Variants in BMPR1B observed in about 807,000 individuals in gnomAD.
The protein encoded by BMPR1B is bone morphogenetic protein receptor type 1B, also known as bone morphogenetic protein receptor type-1B.
A neutral mutation model predicts 59.1 loss-of-function variants in BMPR1B; 12 were observed. That is an observed-to-expected ratio of 0.20 (90% CI 0.13 to 0.33). BMPR1B has a LOEUF of 0.33. Ranked by LOEUF, BMPR1B falls within the 10% of genes least tolerant of loss-of-function variation. The probability of loss-of-function intolerance (pLI) is 1.00; values close to 1 mark genes in which losing one functional copy is unlikely to be tolerated. For synonymous variants in BMPR1B, 237 were observed against 207.3 expected, an observed-to-expected ratio of 1.14 and a Z score of -1.23; for missense variants, 550 against 610.9, an observed-to-expected ratio of 0.90 and a Z score of 1.05.
Position 94,975,363 on chromosome 4 carries a change from GTT to G in BMPR1B, c.-112-20660_-112-20659del, listed in dbSNP as rs763655134. On this transcript the variant is annotated intron_variant, in intron 2 of 12. Transcript: ENST00000515059. The stretch of plus-strand genomic sequence containing the variant: ...AAAATCTTAATTTCCTTTTGTTTTT[GTT>G]TTTTTTTTTTTTTTTTGAGACGGGG... Among the ~76,000 whole-genome samples, 233 of 111,632 alleles carry G rather than the reference GTT, an allele frequency of 2.1e-3. 2 individuals carry two copies. Among genetic ancestry groups the G allele is most frequent in the African/African-American group, 7.5e-3 (229 of 30,736 alleles). 73.2% of individuals were successfully genotyped at this position (111,632 alleles called of 152,430 possible).
chr4:94,986,459 A>C (rs1224518470), intron 2 of BMPR1B, among the ~76,000 whole-genome samples: 1 of 152,222 alleles, frequency 6.6e-6, no homozygotes, highest in Admixed American at 6.5e-5. Context: ...CTTAAAGTCT[A>C]ATTTAATCAG....
At chr4:95,002,405 T>C (rs1286858185) in intron 3 of BMPR1B, among the ~76,000 whole-genome samples, 2 of 152,156 alleles carry the variant, frequency 1.3e-5, no homozygotes, top group African/African-American at 2.4e-5. Flanking sequence ...GTCGACCCCA[T>C]GTCTTTGCTA....
intron 3 of BMPR1B, chr4:95,091,541 G>T (rs927474304): frequency 3.0e-6 from 3 of 985,286 alleles, no homozygotes; most frequent in Non-Finnish European, 2.4e-6. Flanking sequence ...CTTTTTAGTG[G>T]AAACCCCTAG....
chr4:94,867,494 A>C (rs916474087), intron 1 of BMPR1B, among the ~76,000 whole-genome samples: 1 of 151,994 alleles, frequency 6.6e-6, no homozygotes, highest in African/African-American at 2.4e-5. Context: ...GAGTTCTTCT[A>C]CTCCTCTTTA....
chr4:95,047,932 C>T (rs1726164887), intron 3 of BMPR1B, among the ~76,000 whole-genome samples: 1 of 152,114 alleles, frequency 6.6e-6, no homozygotes. Flanking sequence ...AGTTTTTCAA[C>T]CCTTGGGAGC....
Position 95,157,418 on chromosome 4 carries a change from A to G in BMPR1B, c.*2745A>G, listed in dbSNP as rs946521796. On this transcript the variant is annotated 3_prime_UTR_variant, in exon 13 of 13. Transcript: ENST00000515059. ...AAAATTTCTAGTGGCTCAGAAGTGA[A>G]TTTTATTTTATTTGTCTTTCACTTG... 3 of 152,016 alleles carry G rather than the reference A, an allele frequency of 2.0e-5. No homozygotes were observed. Among genetic ancestry groups the G allele is most frequent in the African/African-American group, 7.2e-5 (3 of 41,414 alleles). The allele number at this position is 152,016 out of a possible 1,614,324, so 9.4% of individuals were successfully genotyped here.
At chr4:94,798,050 C>T (rs927480923) in intron 1 of BMPR1B, among the ~76,000 whole-genome samples, 1 of 152,180 alleles carries the variant, frequency 6.6e-6, no homozygotes, top group African/African-American at 2.4e-5. Flanking sequence ...TTACCACTTA[C>T]AGCATTTGTG....
intron 1 of BMPR1B, among the ~76,000 whole-genome samples, chr4:94,763,501 G>A (rs1373464497): frequency 3.9e-5 from 6 of 152,176 alleles, no homozygotes; most frequent in Admixed American, 1.3e-4. Context: ...CGTCAGCTTT[G>A]GAAGATATTA....
rs757790384 is a variant in BMPR1B, at chr4:94,855,000, T to C, written c.-182-20831T>C. Among the ~76,000 whole-genome samples the C allele has an allele frequency of 9.9e-5, 15 of 152,160 alleles. 1 individual carries two copies. The highest frequency in any genetic ancestry group is 1.8e-4 in the Non-Finnish European group (12 of 68,032). ...ATTCACATTCTTTTATTCCAGAATATGCCTAACATATATTGGATGGCACCA... is the reference window on the plus strand; with the variant it reads ...ATTCACATTCTTTTATTCCAGAATACGCCTAACATATATTGGATGGCACCA... On this transcript the variant is annotated intron_variant, in intron 1 of 12. Transcript: ENST00000515059.
At chr4:94,924,582 TG>T (rs1353352970) in intron 2 of BMPR1B, among the ~76,000 whole-genome samples, 1 of 152,154 alleles carries the variant, frequency 6.6e-6, no homozygotes, top group Non-Finnish European at 1.5e-5. Flanking sequence ...ACTGTTTTAC[TG>T]ACCTCCAACA....
At chr4:94,849,339 G>T (rs1578717617) in intron 1 of BMPR1B, among the ~76,000 whole-genome samples, 1 of 152,236 alleles carries the variant, frequency 6.6e-6, no homozygotes, top group Middle Eastern at 3.4e-3. Context: ...GTCAACGGGT[G>T]CCCTTGACAA....
intron 1 of BMPR1B, among the ~76,000 whole-genome samples, chr4:94,841,041 C>T (rs1725043509): frequency 6.8e-6 from 1 of 147,570 alleles, no homozygotes; most frequent in African/African-American, 2.5e-5. Flanking sequence ...GTCAGTGTGC[C>T]CCTGCTAGGG....
At chr4:94,985,509 CTGTGTGTGTGTG>C (rs60003954) in intron 2 of BMPR1B, among the ~76,000 whole-genome samples, 11,226 of 138,738 alleles carry the variant, frequency 0.081, 481 homozygotes, top group South Asian at 0.099. Context: ...AAAATAAGAG[CTGTGTGTGTGTG>C]TGTGTGTGTG....
chr4:94,839,649 T>C (rs1486917843), intron 1 of BMPR1B, among the ~76,000 whole-genome samples: 1 of 146,146 alleles, frequency 6.8e-6, no homozygotes, highest in Non-Finnish European at 1.5e-5. Flanking sequence ...TGAGCCTATG[T>C]GTGTCTCTGC....
In BMPR1B at chr4:94,915,201, T is replaced by C. The variant is rs183359589; in HGVS notation, c.-113+39301T>C. On this transcript the variant is annotated intron_variant, in intron 2 of 12. Coordinates refer to ENST00000515059, the MANE Select transcript of BMPR1B (RefSeq NM_001203.3). The stretch of plus-strand genomic sequence containing the variant: ...TTCCATGCTTTGAAATCTTTAAAGC[T>C]GAATATTTGATCACTCATCTTTCAT... Among the ~76,000 whole-genome samples, 7 of 152,354 alleles carry C rather than the reference T, an allele frequency of 4.6e-5. No homozygotes were observed. In the East Asian group the frequency reaches 1.3e-3, roughly 29 times the overall value.
At chr4:95,105,831 G>A (rs1396968266) in intron 4 of BMPR1B, among the ~76,000 whole-genome samples, 1 of 151,962 alleles carries the variant, frequency 6.6e-6, no homozygotes, top group Admixed American at 6.6e-5. Flanking sequence ...AATAGAAAAA[G>A]TATCAGGAGA....
chr4:95,098,469 A>T (rs1730585995), intron 3 of BMPR1B, among the ~76,000 whole-genome samples: 1 of 152,148 alleles, frequency 6.6e-6, no homozygotes, highest in African/African-American at 2.4e-5. Context: ...AAGTTAGATA[A>T]AACAGTGCAG....
At chr4:94,814,725 T>C (rs1414966761) in intron 1 of BMPR1B, among the ~76,000 whole-genome samples, 1 of 152,228 alleles carries the variant, frequency 6.6e-6, no homozygotes, top group Non-Finnish European at 1.5e-5. Flanking sequence ...ACGTTTGCTA[T>C]GTGTCAAAAC....
chr4:95,146,886 G>T (rs1275109113), intron 10 of BMPR1B, among the ~76,000 whole-genome samples: 2 of 152,106 alleles, frequency 1.3e-5, no homozygotes, highest in African/African-American at 2.4e-5. Context: ...TTACCATTAA[G>T]TCTCTTCTCA....
Sources: allele counts gnomAD v4.1 joint callset (sites outside exome capture counted in the v4.1 genomes callset), GRCh38; gene constraint gnomAD v4.1.1; transcripts MANE v1.5; gene names NCBI Gene and HGNC (gene_info 2026-07-23, HGNC 2026-07-21).